Variants in SYCP2 observed in about 807,000 individuals in gnomAD.
SYCP2 encodes synaptonemal complex lateral element protein.
In SYCP2, 55 loss-of-function variants were observed where a neutral mutation model predicts 211.3. That is an observed-to-expected ratio of 0.26 (90% confidence interval 0.21 to 0.33). The LOEUF (loss-of-function observed/expected upper bound fraction) is 0.33, where lower values mean the gene tolerates loss of function less well. SYCP2 is among the 10% of genes least tolerant of loss of function. The pLI is 1.00. For synonymous variants in SYCP2, 570 were observed against 555.2 expected, an observed-to-expected ratio of 1.03 and a Z score of -0.37; for missense variants, 1,731 against 1,752.0, an observed-to-expected ratio of 0.99 and a Z score of 0.21.
intron 44 of SYCP2, among the ~76,000 whole-genome samples, chr20:59,864,736 T>C (rs191620978): frequency 4.3e-4 from 66 of 152,160 alleles, no homozygotes; most frequent in African/African-American, 1.5e-3. Flanking sequence ...CTAAACTAGC[T>C]TAGCCACAAC....
intron 24 of SYCP2, among the ~76,000 whole-genome samples, chr20:59,889,029 T>C (rs1416176805): frequency 6.6e-6 from 1 of 152,028 alleles, no homozygotes; most frequent in Non-Finnish European, 1.5e-5. Flanking sequence ...AGCTCAATAT[T>C]GTCAAGATGT....
rs1380262702 is a variant in SYCP2, at chr20:59,864,341, G to A, written c.4563C>T (p.Phe1521=). ...CATTAGCATTTCTTTCATGAGACAT[G>A]AATACTGACATCAGTTCTCTGCGTA... ...LNVRRELMSV[F]MSHERNANV The change falls in exon 45 of 45, where the codon TTC becomes TTT. Residue 1521 remains phenylalanine (F), a synonymous_variant. Coordinates refer to ENST00000357552, the MANE Select transcript of SYCP2 (RefSeq NM_014258.4). The A allele has an allele frequency of 6.2e-7, 1 of 1,605,312 alleles. No homozygotes were observed. Among genetic ancestry groups the A allele is most frequent in the African/African-American group, 1.3e-5 (1 of 74,148 alleles).
intron 18 of SYCP2, among the ~76,000 whole-genome samples, chr20:59,897,498 T>C (rs2060032522): frequency 6.6e-6 from 1 of 152,124 alleles, no homozygotes; most frequent in African/African-American, 2.4e-5. Flanking sequence ...CGAACTTTGG[T>C]GTGCTTAAGA....
chr20:59,916,179 T>C (rs977894996), intron 8 of SYCP2, among the ~76,000 whole-genome samples: 1 of 152,214 alleles, frequency 6.6e-6, no homozygotes, highest in African/African-American at 2.4e-5. Flanking sequence ...ATTTTGTTCT[T>C]ATGATTATAG....
At chr20:59,910,151 C>G (rs1486910911) in intron 14 of SYCP2, among the ~76,000 whole-genome samples, 3 of 151,994 alleles carry the variant, frequency 2.0e-5, no homozygotes, top group Admixed American at 1.3e-4. Context: ...AAGAAGGATT[C>G]AAGGAGCCAC....
At chr20:59,915,339 CTAAAT>C (rs1414675593) in intron 9 of SYCP2, 121 bp downstream of exon 9, 25 of 973,786 alleles carry the variant, frequency 2.6e-5, no homozygotes, top group Admixed American at 9.1e-5. Flanking sequence ...TATGCATACA[CTAAAT>C]TATATTAAAA....
rs372576928 is a variant in SYCP2 at position 59,864,289 on chromosome 20, G to A, written c.*22C>T. On this transcript the variant is annotated 3_prime_UTR_variant, in exon 45 of 45. Transcript: ENST00000357552. ...ATACAGAGAATAATAATTAGATAAA[G>A]TATGGTGATAAAAACTAGATTTCAC... is the stretch of plus-strand genomic sequence containing the variant. 11 of 1,481,092 alleles carry A rather than the reference G, an allele frequency of 7.4e-6. No individual in the cohort carries two copies. Among genetic ancestry groups the A allele is most frequent in the Non-Finnish European group, 1.0e-5 (11 of 1,071,792 alleles). 91.7% of individuals were successfully genotyped at this position (1,481,092 alleles called of 1,614,324 possible).
chr20:59,930,276 T>C (rs2050701980), intron 2 of SYCP2, among the ~76,000 whole-genome samples: 1 of 151,894 alleles, frequency 6.6e-6, no homozygotes, highest in Admixed American at 6.6e-5. Flanking sequence ...AAAAAAAAAA[T>C]GCTTAAAGAA....
At chr20:59,906,020 C>G (rs1039500446) in intron 15 of SYCP2, among the ~76,000 whole-genome samples, 15 of 152,078 alleles carry the variant, frequency 9.9e-5, no homozygotes, top group African/African-American at 3.6e-4. Context: ...TACTTGGGAA[C>G]AAATTCATCA....
chr20:59,932,740 G>A (rs990375271), intron 1 of SYCP2, among the ~76,000 whole-genome samples: 1 of 152,114 alleles, frequency 6.6e-6, no homozygotes, highest in East Asian at 1.9e-4. Flanking sequence ...CCTGGAGCCC[G>A]GTCCAGAAAA....
intron 8 of SYCP2, among the ~76,000 whole-genome samples, chr20:59,916,235 T>C (rs1267224287): frequency 6.6e-6 from 1 of 152,190 alleles, no homozygotes; most frequent in Non-Finnish European, 1.5e-5. Context: ...TTTTTAGCAT[T>C]TAAATACTTA....
intron 30 of SYCP2, 44 bp from the exon 31 acceptor site, chr20:59,880,515 A>C: frequency 4.4e-5 from 52 of 1,193,894 alleles, no homozygotes; most frequent in Non-Finnish European, 5.7e-5. Context: ...ACTACATCTC[A>C]TTATGTCATG....
chr20:59,880,785 T>G (rs377563382), intron 30 of SYCP2, among the ~76,000 whole-genome samples, 181 bp downstream of exon 30: 16 of 151,738 alleles, frequency 1.1e-4, no homozygotes, highest in Admixed American at 9.2e-4. Flanking sequence ...AACGTGGCAT[T>G]TCTTTTATTA....
At position 59,864,405 on chromosome 20, in the gene SYCP2, A is replaced by C; in HGVS notation, c.4516-17T>G. ...CTCTTCTAGCTATAGCCAAGAAAAA[A>C]AAAATCACACTTAGATTTCACATTT... On this transcript the variant is annotated splice_polypyrimidine_tract_variant and intron_variant, in intron 44 of 44. Coordinates refer to ENST00000357552, the MANE Select transcript of SYCP2 (RefSeq NM_014258.4). The C allele has an allele frequency of 6.5e-7, 1 of 1,548,662 alleles. No individual in the cohort carries two copies. The highest frequency in any genetic ancestry group is 8.8e-7 in the Non-Finnish European group (1 of 1,141,964).
intron 13 of SYCP2, chr20:59,912,078 T>C (rs916300474): frequency 1.5e-5 from 6 of 401,566 alleles, no homozygotes; most frequent in Non-Finnish European, 2.7e-5. Flanking sequence ...CAAGTGCTAA[T>C]AAAGGTTGAA....
intron 26 of SYCP2, among the ~76,000 whole-genome samples, chr20:59,882,611 G>T (rs1171854464): frequency 6.6e-6 from 1 of 152,092 alleles, no homozygotes; most frequent in African/African-American, 2.4e-5. Flanking sequence ...AAAAAAGAAT[G>T]AAATCCTGTC....
At position 59,911,898 on chromosome 20, in the gene SYCP2, G is replaced by T. The variant is rs1283132952; in HGVS notation, c.877-53C>A. ...ATATACAATGATTTTAGAAATAACA[G>T]ACAATTATGATGTTATATTCATGGC... On this transcript the variant is annotated intron_variant, in intron 13 of 44. Transcript: ENST00000357552. The T allele has an allele frequency of 5.6e-6, 5 of 889,470 alleles. No individual in the cohort carries two copies. In the African/African-American group the frequency reaches 8.6e-5, roughly 15 times the overall value. The allele number at this position is 889,470 out of a possible 1,614,324, so 55.1% of individuals were successfully genotyped here. A position where few individuals can be genotyped will look rare whatever the true frequency, so the allele number is the denominator to read the frequency against.
At chr20:59,915,367 T>C (rs1435504400) in intron 9 of SYCP2, 98 bp downstream of exon 9, 5 of 1,002,412 alleles carry the variant, frequency 5.0e-6, no homozygotes, top group Admixed American at 2.2e-5. Flanking sequence ...CTGCAACAGT[T>C]TATCAGTTTC....
intron 30 of SYCP2, 45 bp from the exon 31 acceptor site, chr20:59,880,516 TTA>T: frequency 8.4e-7 from 1 of 1,193,676 alleles, no homozygotes; most frequent in Non-Finnish European, 1.2e-6. Flanking sequence ...CTACATCTCA[TTA>T]TGTCATGCAA....
Sources: gnomAD v4.1 joint callset for allele counts (sites outside exome capture counted in the v4.1 genomes callset) on GRCh38, gnomAD v4.1.1 for gene constraint, MANE v1.5 for transcripts, NCBI Gene and HGNC (gene_info 2026-07-23, HGNC 2026-07-21) for gene names.